GALNT17: variants seen among roughly 807,000 people sequenced by gnomAD.
GALNT17 encodes the protein UDP-GalNAc:polypeptide N-acetylgalactosaminyltransferase-like 3.
GALNT17 carries 29 observed loss-of-function variants against 63.7 expected under a neutral mutation model. The observed-to-expected ratio is 0.46, with a 90% CI of 0.34 to 0.62. GALNT17 has a LOEUF of 0.62. Among genes scored for constraint, GALNT17 ranks in the 20% least tolerant of loss-of-function variants. GALNT17 has a pLI of 0.01. For synonymous variants in GALNT17, 305 were observed against 318.3 expected (o/e 0.96, Z 0.45); for missense variants, 603 against 799.6 (o/e 0.75, Z 2.97).
At chr7:71,140,137 A>G (rs1156660462) in intron 1 of GALNT17, among the ~76,000 whole-genome samples, 3 of 152,144 alleles carry the variant, frequency 2.0e-5, no homozygotes, top group Non-Finnish European at 4.4e-5. Flanking sequence ...GGACGGTACC[A>G]CCATTTCCTG....
At chr7:71,248,198 G>C (rs1292731540) in intron 1 of GALNT17, among the ~76,000 whole-genome samples, 1 of 152,146 alleles carries the variant, frequency 6.6e-6, no homozygotes, top group Non-Finnish European at 1.5e-5. Flanking sequence ...GAGAGAGAGA[G>C]AGCACAGGAA....
At chr7:71,665,676 C>T (rs992298048) in intron 7 of GALNT17, 80 bp downstream of exon 7, 39 of 1,465,720 alleles carry the variant, frequency 2.7e-5, no homozygotes, top group Non-Finnish European at 3.3e-5. Context: ...ATAAACCAAT[C>T]GTTCCTCCCC....
At chr7:71,249,144 A>G (rs1790152860) in intron 1 of GALNT17, among the ~76,000 whole-genome samples, 2 of 152,234 alleles carry the variant, frequency 1.3e-5, no homozygotes, top group Non-Finnish European at 2.9e-5. Context: ...CTCACAGCCA[A>G]TATTTTCAGG....
At chr7:71,617,074 A>T (rs974078368) in intron 6 of GALNT17, among the ~76,000 whole-genome samples, 2 of 147,634 alleles carry the variant, frequency 1.4e-5, no homozygotes, top group African/African-American at 4.9e-5. Context: ...TAATTTTATT[A>T]TATATGTGAT....
At chr7:71,338,644 T>C (rs1056522284) in intron 2 of GALNT17, among the ~76,000 whole-genome samples, 1 of 152,202 alleles carries the variant, frequency 6.6e-6, no homozygotes, top group Non-Finnish European at 1.5e-5. Flanking sequence ...AGTGTCAAGA[T>C]GCTGGAGAGA....
At chr7:71,613,899 A>C (rs12540649) in intron 6 of GALNT17, among the ~76,000 whole-genome samples, 110,406 of 151,074 alleles carry the variant, frequency 0.73, 41,406 homozygotes, top group East Asian at 0.97. Context: ...CTGCAGTGAG[A>C]TATGATCGAG....
chr7:71,484,213 T>C (rs1787870332), intron 5 of GALNT17, among the ~76,000 whole-genome samples: 1 of 152,176 alleles, frequency 6.6e-6, no homozygotes, highest in Admixed American at 6.5e-5. Flanking sequence ...CCGGGCCAGA[T>C]GCGGTGGCTC....
intron 1 of GALNT17, among the ~76,000 whole-genome samples, chr7:71,137,372 C>G (rs1168741178): frequency 6.6e-6 from 1 of 151,658 alleles, no homozygotes; most frequent in Non-Finnish European, 1.5e-5. Flanking sequence ...ATCTCCTGAC[C>G]TCGTGATCCA....
intron 5 of GALNT17, among the ~76,000 whole-genome samples, chr7:71,440,847 A>G (rs976214363): frequency 3.3e-5 from 5 of 152,034 alleles, no homozygotes; most frequent in African/African-American, 1.2e-4. Context: ...TGGAGTTTTC[A>G]TCCTCCGAGG....
At chr7:71,358,416 A>G (rs552386782) in intron 2 of GALNT17, among the ~76,000 whole-genome samples, 12 of 152,256 alleles carry the variant, frequency 7.9e-5, no homozygotes, top group African/African-American at 2.9e-4. Context: ...AAATAAATAA[A>G]GTTGTTTGTT....
intron 5 of GALNT17, among the ~76,000 whole-genome samples, chr7:71,454,338 C>T (rs1219910302): frequency 1.3e-5 from 2 of 152,162 alleles, no homozygotes. Context: ...GTTTTCTGTT[C>T]CAGTTTTAGT....
rs1027100086 is a variant in GALNT17, at chr7:71,230,283, A to G, written c.238+97243A>G. 7.9e-5 allele frequency among the ~76,000 whole-genome samples: 12 copies of G among 152,150 alleles called. No individual in the cohort carries two copies. The East Asian group carries it at 1.7e-3, about 22-fold the overall frequency. On this transcript the variant is annotated intron_variant, in intron 1 of 10. Transcript: ENST00000333538. ...CAGAAAGCCAACTAATAGCAGATTGAATAGGGGTTTATTTTATATACAACC... is the reference window on the plus strand; with the variant it reads ...CAGAAAGCCAACTAATAGCAGATTGGATAGGGGTTTATTTTATATACAACC...
At chr7:71,251,242 G>T (rs1162370268) in intron 1 of GALNT17, among the ~76,000 whole-genome samples, 2 of 151,510 alleles carry the variant, frequency 1.3e-5, no homozygotes, top group Admixed American at 6.6e-5. Flanking sequence ...GGGAAATTTG[G>T]AAGGTCCTGG....
At chr7:71,494,051 G>A (rs1201500493) in intron 5 of GALNT17, among the ~76,000 whole-genome samples, 3 of 152,042 alleles carry the variant, frequency 2.0e-5, no homozygotes, top group Admixed American at 2.0e-4. Context: ...AACTTGCAAA[G>A]GAAAGAGGTT....
intron 1 of GALNT17, among the ~76,000 whole-genome samples, chr7:71,253,839 C>T (rs1176162874): frequency 2.0e-5 from 3 of 152,158 alleles, no homozygotes; most frequent in South Asian, 2.1e-4. Context: ...GATACAGGAC[C>T]GTGACCCTTT....
chr7:71,141,663 TTTTC>T (rs1187557114), intron 1 of GALNT17, among the ~76,000 whole-genome samples: 110 of 149,100 alleles, frequency 7.4e-4, no homozygotes, highest in Non-Finnish European at 1.2e-3. Flanking sequence ...AGATGTTTCT[TTTTC>T]TTTCTTTCTT....
At chr7:71,585,274 T>C (rs1223277918) in intron 6 of GALNT17, among the ~76,000 whole-genome samples, 1 of 152,188 alleles carries the variant, frequency 6.6e-6, no homozygotes, top group East Asian at 1.9e-4. Flanking sequence ...TCAGGTGTTG[T>C]CAGCCTGATT....
chr7:71,236,181 C>CA (rs1789886902), intron 1 of GALNT17, among the ~76,000 whole-genome samples: 2 of 144,854 alleles, frequency 1.4e-5, no homozygotes, highest in African/African-American at 5.4e-5. Flanking sequence ...GACTCTGTCT[C>CA]AAAAAAATTA....
chr7:71,600,571 AACAG>A (rs1429284130), intron 6 of GALNT17, among the ~76,000 whole-genome samples: 1 of 152,106 alleles, frequency 6.6e-6, no homozygotes, highest in Admixed American at 6.5e-5. Context: ...ATAGATAGGA[AACAG>A]ACAGACACAG....
Sources: gnomAD v4.1 joint callset for allele counts (sites outside exome capture counted in the v4.1 genomes callset) on GRCh38, gnomAD v4.1.1 for gene constraint, MANE v1.5 for transcripts, NCBI Gene and HGNC (gene_info 2026-07-23, HGNC 2026-07-21) for gene names.